The following TBC1D12 variants were observed in gnomAD, a reference collection of about 807,000 sequenced individuals.
The protein encoded by TBC1D12 is TBC1 domain family, member 12.
TBC1D12 carries 56 observed loss-of-function variants against 86.7 expected under a neutral mutation model. The observed-to-expected ratio is 0.65, with a 90% confidence interval of 0.52 to 0.81. The LOEUF (loss-of-function observed/expected upper bound fraction) is 0.81, where lower values mean the gene tolerates loss of function less well. Among genes scored for constraint, TBC1D12 ranks in the 30% least tolerant of loss-of-function variants. The pLI is 0.00. For missense variants in TBC1D12, 1,023 were observed against 1,038.8 expected, an observed-to-expected ratio of 0.98 and a Z score of 0.21; for synonymous variants, 421 against 411.7, an observed-to-expected ratio of 1.02 and a Z score of -0.27.
chr10:94,416,729 A>G (rs1194903175), intron 1 of TBC1D12, among the ~76,000 whole-genome samples: 1 of 152,206 alleles, frequency 6.6e-6, no homozygotes, highest in Non-Finnish European at 1.5e-5. Flanking sequence ...ATGAGGATGC[A>G]TCAGTACTGA....
intron 1 of TBC1D12, among the ~76,000 whole-genome samples, chr10:94,428,999 T>C (rs1289628541): frequency 6.6e-6 from 1 of 152,130 alleles, no homozygotes; most frequent in Non-Finnish European, 1.5e-5. Context: ...GTCATCATGC[T>C]CAGCAGGTTG....
At chr10:94,455,698 G>A (rs1357006874) in intron 2 of TBC1D12, among the ~76,000 whole-genome samples, 2 of 152,220 alleles carry the variant, frequency 1.3e-5, no homozygotes, top group Non-Finnish European at 2.9e-5. Context: ...GGGAGGCCAA[G>A]GCAGGTGGAT....
chr10:94,446,143 CTG>C (rs1290252586), intron 2 of TBC1D12, among the ~76,000 whole-genome samples: 5 of 152,116 alleles, frequency 3.3e-5, no homozygotes, highest in Admixed American at 1.3e-4. Context: ...TTTTATGTCT[CTG>C]TTTTAACTTA....
At chr10:94,441,790 A>T in intron 1 of TBC1D12, 106 bp from the exon 2 acceptor site, 1 of 1,107,828 alleles carries the variant, frequency 9.0e-7, no homozygotes, top group Non-Finnish European at 1.3e-6. Context: ...AGTTTTATTT[A>T]AAAGTATTTT....
intron 9 of TBC1D12, among the ~76,000 whole-genome samples, chr10:94,515,373 G>A (rs1589671181): frequency 6.6e-6 from 1 of 151,256 alleles, no homozygotes; most frequent in African/African-American, 2.4e-5. Flanking sequence ...TTGAGACGGG[G>A]TTTCGCTCTT....
intron 2 of TBC1D12, among the ~76,000 whole-genome samples, chr10:94,455,213 A>G (rs2055610207): frequency 6.6e-6 from 1 of 152,000 alleles, no homozygotes. Flanking sequence ...ACATTGAGCC[A>G]GTTGTGCATA....
At chr10:94,436,794 CTTT>C (rs879687862) in intron 1 of TBC1D12, among the ~76,000 whole-genome samples, 1 of 142,796 alleles carries the variant, frequency 7.0e-6, no homozygotes, top group Non-Finnish European at 1.5e-5. Context: ...AGAAAAAAAT[CTTT>C]TTTTTTTTTA....
intron 5 of TBC1D12, among the ~76,000 whole-genome samples, chr10:94,498,141 C>T (rs1315050187): frequency 3.3e-5 from 5 of 152,016 alleles, no homozygotes; most frequent in African/African-American, 9.7e-5. Flanking sequence ...TTTCTTAATG[C>T]TAACATACCA....
intron 5 of TBC1D12, among the ~76,000 whole-genome samples, chr10:94,498,040 C>T (rs1256056809): frequency 1.3e-5 from 2 of 151,948 alleles, no homozygotes; most frequent in African/African-American, 2.4e-5. Context: ...AGGATGGTCT[C>T]GATCTCCTGA....
chr10:94,427,820 A>G (rs779458930), intron 1 of TBC1D12, among the ~76,000 whole-genome samples: 17 of 131,094 alleles, frequency 1.3e-4, no homozygotes, highest in Non-Finnish European at 2.4e-4. Context: ...TGACAAAGTG[A>G]GACCCTGTCT....
At chr10:94,425,185 A>T (rs1448811058) in intron 1 of TBC1D12, among the ~76,000 whole-genome samples, 1 of 152,188 alleles carries the variant, frequency 6.6e-6, no homozygotes, top group African/African-American at 2.4e-5. Flanking sequence ...GGGTTAGTAG[A>T]GGGTGTGACT....
intron 1 of TBC1D12, among the ~76,000 whole-genome samples, chr10:94,406,150 A>T (rs1391653576): frequency 1.3e-5 from 2 of 152,186 alleles, no homozygotes; most frequent in Admixed American, 1.3e-4. Context: ...TATTAACAGT[A>T]GGCAGGAATT....
intron 11 of TBC1D12, among the ~76,000 whole-genome samples, chr10:94,526,144 A>G (rs116532383): frequency 4.9e-4 from 74 of 152,180 alleles, no homozygotes; most frequent in African/African-American, 1.7e-3. Flanking sequence ...CTTTTATGAG[A>G]TCAGCTGGCC....
chr10:94,527,036 G>A (rs371149842), intron 11 of TBC1D12, among the ~76,000 whole-genome samples: 75 of 151,062 alleles, frequency 5.0e-4, no homozygotes, highest in African/African-American at 1.7e-3. Flanking sequence ...GTCTTCTTTT[G>A]AGCAATGTCT....
At chr10:94,455,496 C>A (rs1188785386) in intron 2 of TBC1D12, among the ~76,000 whole-genome samples, 2 of 152,148 alleles carry the variant, frequency 1.3e-5, no homozygotes, top group Non-Finnish European at 2.9e-5. Flanking sequence ...TGGTAGAATT[C>A]ATCAGTGAAC....
intron 4 of TBC1D12, among the ~76,000 whole-genome samples, chr10:94,496,367 G>A (rs760576450): frequency 1.3e-5 from 2 of 152,184 alleles, no homozygotes; most frequent in East Asian, 1.9e-4. Flanking sequence ...TCTAAGAGAT[G>A]TACTGTTAAT....
intron 2 of TBC1D12, 65 bp from the exon 3 acceptor site, chr10:94,474,603 C>A: frequency 1.8e-6 from 2 of 1,120,580 alleles, no homozygotes; most frequent in Non-Finnish European, 2.7e-6. Context: ...TTTAATGATA[C>A]AGATTTAATA....
At chr10:94,459,642 C>T (rs188481193) in intron 2 of TBC1D12, among the ~76,000 whole-genome samples, 71 of 152,272 alleles carry the variant, frequency 4.7e-4, no homozygotes, top group African/African-American at 1.5e-3. Context: ...AGCCCTGCCC[C>T]GTGGGGAGGT....
At chr10:94,448,239 A>G (rs994437820) in intron 2 of TBC1D12, among the ~76,000 whole-genome samples, 3 of 152,206 alleles carry the variant, frequency 2.0e-5, no homozygotes, top group Admixed American at 2.0e-4. Context: ...ACTAGCATAC[A>G]TGTGTTTTGT....
Sources: gnomAD v4.1 joint callset for allele counts (sites outside exome capture counted in the v4.1 genomes callset) on GRCh38, gnomAD v4.1.1 for gene constraint, MANE v1.5 for transcripts, NCBI Gene and HGNC (gene_info 2026-07-23, HGNC 2026-07-21) for gene names.